The following TENM4 variants were observed in gnomAD, a reference collection of about 807,000 sequenced individuals.
The protein encoded by TENM4 is teneurin transmembrane protein 4, also known as teneurin-4.
A neutral mutation model predicts 243.3 loss-of-function variants in TENM4; 82 were observed. That is an observed-to-expected ratio of 0.34 (90% CI 0.28 to 0.40). The LOEUF (loss-of-function observed/expected upper bound fraction) is 0.40, where lower values mean the gene tolerates loss of function less well. Among genes scored for constraint, TENM4 ranks in the 10% least tolerant of loss-of-function variants. The pLI is 1.00. For missense variants in TENM4, 3,138 were observed against 3,673.3 expected (o/e 0.85, Z 3.77); for synonymous variants, 1,412 against 1,456.3 (o/e 0.97, Z 0.69).
intron 32 of TENM4, among the ~76,000 whole-genome samples, chr11:78,665,420 C>T (rs556812386): frequency 3.5e-4 from 53 of 152,090 alleles, no homozygotes; most frequent in African/African-American, 1.2e-3. Flanking sequence ...TACAGGTGTG[C>T]GCCACCACGC....
At chr11:79,291,104 T>C (rs1181750791) in intron 2 of TENM4, among the ~76,000 whole-genome samples, 1 of 152,040 alleles carries the variant, frequency 6.6e-6, no homozygotes, top group East Asian at 1.9e-4. Context: ...GGAGTGGTGA[T>C]GGTGGTGGGG....
At chr11:78,829,771 A>G (rs910972401) in intron 12 of TENM4, among the ~76,000 whole-genome samples, 1 of 152,138 alleles carries the variant, frequency 6.6e-6, no homozygotes, top group Non-Finnish European at 1.5e-5. Flanking sequence ...GAAAGACTGG[A>G]AATAGGGGCC....
chr11:78,857,736 C>G (rs958072989), intron 10 of TENM4, among the ~76,000 whole-genome samples: 2 of 152,160 alleles, frequency 1.3e-5, no homozygotes, highest in African/African-American at 4.8e-5. Flanking sequence ...AATATAGATA[C>G]AAAAACCACC....
At chr11:79,310,444 G>A (rs1411072691) in intron 1 of TENM4, among the ~76,000 whole-genome samples, 1 of 152,192 alleles carries the variant, frequency 6.6e-6, no homozygotes, top group Non-Finnish European at 1.5e-5. Flanking sequence ...GGTCCAATAG[G>A]TGCCAGGCTC....
rs570195141 is a variant in TENM4, at chr11:79,316,614, G to C, written c.-320-19071C>G. Among the ~76,000 whole-genome samples, 6 of 152,274 alleles carry C rather than the reference G, an allele frequency of 3.9e-5. No individual in the cohort carries two copies. The South Asian group carries it at 6.2e-4, about 16-fold the overall frequency. ...ACCCTTAAAACAAGTATTGCAGTGA[G>C]TTTATATGTTTCGATGTATGTTGCT... On this transcript the variant is annotated intron_variant, in intron 1 of 33. Transcript: ENST00000278550.
intron 1 of TENM4, among the ~76,000 whole-genome samples, chr11:79,419,786 C>T (rs1012644306): frequency 2.6e-5 from 4 of 152,188 alleles, no homozygotes; most frequent in Non-Finnish European, 5.9e-5. Flanking sequence ...CTTGGCCTGA[C>T]GTCCCATGAA....
At chr11:79,055,027 T>C (rs1859906449) in intron 6 of TENM4, among the ~76,000 whole-genome samples, 1 of 151,002 alleles carries the variant, frequency 6.6e-6, no homozygotes, top group Admixed American at 6.6e-5. Flanking sequence ...CTTGGGAGGC[T>C]GAGGCAGGAG....
At chr11:79,180,222 GA>G (rs1863254554) in intron 3 of TENM4, among the ~76,000 whole-genome samples, 1 of 151,614 alleles carries the variant, frequency 6.6e-6, no homozygotes, top group Non-Finnish European at 1.5e-5. Flanking sequence ...CAGATCCCTG[GA>G]ACCTCCCCCG....
chr11:78,808,475 T>C (rs1373009786), intron 14 of TENM4, among the ~76,000 whole-genome samples: 2 of 152,242 alleles, frequency 1.3e-5, no homozygotes, highest in Non-Finnish European at 2.9e-5. Context: ...TTTATCATGT[T>C]CATTTGACAG....
chr11:79,290,387 A>G (rs1271736742), intron 2 of TENM4, among the ~76,000 whole-genome samples: 1 of 152,242 alleles, frequency 6.6e-6, no homozygotes. Flanking sequence ...AAGGAAGAGA[A>G]AGGCTAAATG....
chr11:79,049,316 A>G (rs1218845275), intron 6 of TENM4, among the ~76,000 whole-genome samples: 1 of 152,114 alleles, frequency 6.6e-6, no homozygotes, highest in Non-Finnish European at 1.5e-5. Flanking sequence ...CTCCACTTTC[A>G]TTATCAGCAC....
At chr11:79,402,478 C>T (rs1031483567) in intron 1 of TENM4, among the ~76,000 whole-genome samples, 1 of 152,124 alleles carries the variant, frequency 6.6e-6, no homozygotes, top group South Asian at 2.1e-4. Context: ...TGCTAAGAGT[C>T]CTTTTCTTAT....
intron 4 of TENM4, among the ~76,000 whole-genome samples, chr11:79,113,392 GGTGTGTGTGT>G (rs113144339): frequency 6.9e-6 from 1 of 145,082 alleles, no homozygotes; most frequent in African/African-American, 2.6e-5. Flanking sequence ...CTATTGGATT[GGTGTGTGTGT>G]GTGTGTGTGT....
chr11:78,702,272 G>A lies in TENM4; in HGVS notation c.4341C>T (p.His1447=), dbSNP rs1376485158. The change falls in exon 28 of 34, where the codon CAC becomes CAT. Residue 1447 remains histidine, a synonymous_variant. Transcript: ENST00000278550. ...QVRIVAGRPM[H]CQVPGIDHFL... ...AGTGGTCAATGCCAGGGACCTGGCAGTGCATGGGCCTCCCGGCGACAATGC... is the reference window on the plus strand; with the variant it reads ...AGTGGTCAATGCCAGGGACCTGGCAATGCATGGGCCTCCCGGCGACAATGC... The A allele has an allele frequency of 1.9e-6, 3 of 1,613,946 alleles. No homozygotes were observed. Among genetic ancestry groups the A allele is most frequent in the African/African-American group, 2.7e-5 (2 of 74,946 alleles).
chr11:79,064,617 A>T, intron 6 of TENM4, 121 bp downstream of exon 6: 2 of 1,338,414 alleles, frequency 1.5e-6, no homozygotes, highest in Non-Finnish European at 2.0e-6. Flanking sequence ...GACCCCTGAG[A>T]GTAAAGCAAT....
intron 6 of TENM4, among the ~76,000 whole-genome samples, chr11:78,938,508 G>GATTTGC (rs1372116942): frequency 6.6e-6 from 1 of 152,008 alleles, no homozygotes; most frequent in Non-Finnish European, 1.5e-5. Context: ...GTGGTGCCCA[G>GATTTGC]ATTTGCATTT....
chr11:79,201,371 A>G (rs963677640), intron 3 of TENM4, among the ~76,000 whole-genome samples: 2 of 152,136 alleles, frequency 1.3e-5, no homozygotes, highest in African/African-American at 4.8e-5. Flanking sequence ...CAGCTCTGCC[A>G]TATGCCTGCT....
At chr11:79,199,530 G>T (rs1160446722) in intron 3 of TENM4, among the ~76,000 whole-genome samples, 1 of 152,194 alleles carries the variant, frequency 6.6e-6, no homozygotes, top group Non-Finnish European at 1.5e-5. Flanking sequence ...CGTTATGTGT[G>T]CTGAGTAGAG....
intron 6 of TENM4, among the ~76,000 whole-genome samples, chr11:78,950,011 T>G (rs567747651): frequency 6.6e-6 from 1 of 152,064 alleles, no homozygotes; most frequent in African/African-American, 2.4e-5. Flanking sequence ...GGTGCATCAA[T>G]GGATGATGAG....
Sources: gnomAD v4.1 joint callset for allele counts (sites outside exome capture counted in the v4.1 genomes callset) on GRCh38, gnomAD v4.1.1 for gene constraint, MANE v1.5 for transcripts, NCBI Gene and HGNC (gene_info 2026-07-23, HGNC 2026-07-21) for gene names.